NEMP2: variants seen among roughly 807,000 people sequenced by gnomAD.
NEMP2 encodes UPF0571 transmembrane protein.
Under a neutral mutation model 54.2 loss-of-function variants are expected in NEMP2, and 53 were observed. The observed-to-expected ratio is 0.98, with a 90% confidence interval of 0.78 to 1.23. The LOEUF is 1.23. Among genes scored for constraint, NEMP2 ranks in the 50% most tolerant of loss-of-function variants. The pLI, the probability that NEMP2 is intolerant of heterozygous loss-of-function variation, is 0.00. For synonymous variants in NEMP2, 197 were observed against 190.3 expected, an observed-to-expected ratio of 1.04 and a Z score of -0.29; for missense variants, 455 against 511.3, an observed-to-expected ratio of 0.89 and a Z score of 1.06.
the NEMP2 span, chr2:190,497,830 G>A: frequency 7.7e-7 from 1 of 1,292,310 alleles, no homozygotes. This position sits in a 1 kb window ranked among gnomAD's most constrained non-coding sequence, Gnocchi z 5.2. Context: ...AAAGTCTGGT[G>A]GGGGAAATAG....
intron 5 of NEMP2, among the ~76,000 whole-genome samples, chr2:190,516,695 A>C (rs1246185060): frequency 6.6e-6 from 1 of 152,214 alleles, no homozygotes; most frequent in Non-Finnish European, 1.5e-5. Context: ...ATAAAGAGTA[A>C]ATTTATCTTA....
the NEMP2 span, among the ~76,000 whole-genome samples, chr2:190,475,617 G>A: frequency 3.3e-5 from 5 of 152,226 alleles, no homozygotes; most frequent in South Asian, 2.1e-4. Flanking sequence ...AATCAATATC[G>A]TGAAAATGGC....
the NEMP2 span, among the ~76,000 whole-genome samples, chr2:190,433,075 C>A: frequency 6.6e-6 from 1 of 152,040 alleles, no homozygotes; most frequent in Non-Finnish European, 1.5e-5. The surrounding 1 kb of genome is among the most constrained non-coding windows in gnomAD (Gnocchi z 4.5). Context: ...CTATTATGTG[C>A]CCTTTAATCT....
At chr2:190,456,046 T>A in the NEMP2 span, among the ~76,000 whole-genome samples, 3 of 142,840 alleles carry the variant, frequency 2.1e-5, no homozygotes, top group Admixed American at 2.3e-4. This position sits in a 1 kb window ranked among gnomAD's most constrained non-coding sequence, Gnocchi z 5.4. Context: ...GTTCAAGCAG[T>A]TCTCCTGTGT....
the NEMP2 span, among the ~76,000 whole-genome samples, chr2:190,599,554 CA>C: frequency 6.6e-6 from 1 of 152,080 alleles, no homozygotes; most frequent in Non-Finnish European, 1.5e-5. Flanking sequence ...TTAATATTGC[CA>C]ATGCATTTAA....
At chr2:190,460,085 T>TGGA in the NEMP2 span, among the ~76,000 whole-genome samples, 1 of 152,188 alleles carries the variant, frequency 6.6e-6, no homozygotes, top group Non-Finnish European at 1.5e-5. Context: ...GCTCTTACTC[T>TGGA]TCTGGTGAGA....
rs1233141905 is a variant in NEMP2 at position 190,504,621 on chromosome 2, T to G, written c.*4568A>C. The G allele has an allele frequency of 1.3e-5, 2 of 152,212 alleles. No individual in the cohort carries two copies. The highest frequency in any genetic ancestry group is 6.5e-5 in the Admixed American group (1 of 15,276). The allele number at this position is 152,212 out of a possible 1,614,324, so 9.4% of individuals were successfully genotyped here. ...GGTTATAAGTTTCATAATTTTCATTTTTCTTTTTCTTCTTAAAGGTGTCAA... is the reference window on the plus strand; with the variant it reads ...GGTTATAAGTTTCATAATTTTCATTGTTCTTTTTCTTCTTAAAGGTGTCAA... On this transcript the variant is annotated 3_prime_UTR_variant, in exon 9 of 9. Coordinates refer to ENST00000409150, the MANE Select transcript of NEMP2 (RefSeq NM_001142645.2). This position sits in a 1 kb window ranked among gnomAD's most constrained non-coding sequence, Gnocchi z 5.6.
the NEMP2 span, among the ~76,000 whole-genome samples, chr2:190,584,301 T>G: frequency 1.3e-5 from 2 of 152,174 alleles, no homozygotes; most frequent in South Asian, 4.2e-4. This position sits in a 1 kb window ranked among gnomAD's most constrained non-coding sequence, Gnocchi z 4.2. Context: ...AGACCAAAAA[T>G]TTTCTTTGAA....
chr2:190,644,437 A>G, the NEMP2 span, among the ~76,000 whole-genome samples: 4 of 152,374 alleles, frequency 2.6e-5, no homozygotes, highest in African/African-American at 9.6e-5. The surrounding 1 kb of genome is among the most constrained non-coding windows in gnomAD (Gnocchi z 4.4). Context: ...AAGGTGTGTC[A>G]TATATACTGA....
chr2:190,444,941 C>T, the NEMP2 span: 1 of 681,012 alleles, frequency 1.5e-6, no homozygotes, highest in Non-Finnish European at 1.8e-6. Flanking sequence ...GGTAAATTAA[C>T]TGTAGCATAC....
chr2:190,552,944 C>G, the NEMP2 span, among the ~76,000 whole-genome samples: 1 of 151,260 alleles, frequency 6.6e-6, no homozygotes, highest in Non-Finnish European at 1.5e-5. Context: ...TGTCCTAGAA[C>G]CAGTTAAAAA....
At chr2:190,481,660 A>G in the NEMP2 span, among the ~76,000 whole-genome samples, 1 of 152,232 alleles carries the variant, frequency 6.6e-6, no homozygotes, top group Non-Finnish European at 1.5e-5. Flanking sequence ...CATATTTTCA[A>G]AGCCTAGCAG....
chr2:190,606,789 C>T, the NEMP2 span, among the ~76,000 whole-genome samples: 10 of 152,144 alleles, frequency 6.6e-5, no homozygotes, highest in Admixed American at 6.6e-4. Context: ...ATAATAATAG[C>T]TCAATTAATT....
At chr2:190,532,454 C>T (rs1574320416) in intron 1 of NEMP2, among the ~76,000 whole-genome samples, 2 of 152,168 alleles carry the variant, frequency 1.3e-5, no homozygotes, top group Admixed American at 6.5e-5. Context: ...AGGGCCTGAA[C>T]TTCATCTCAG....
chr2:190,550,170 A>G, the NEMP2 span, among the ~76,000 whole-genome samples: 1 of 152,198 alleles, frequency 6.6e-6, no homozygotes, highest in East Asian at 1.9e-4. This position sits in a 1 kb window ranked among gnomAD's most constrained non-coding sequence, Gnocchi z 4.7. Context: ...ACAAAATACT[A>G]TAAACTGGAT....
the NEMP2 span, among the ~76,000 whole-genome samples, chr2:190,427,797 T>G: frequency 6.6e-6 from 1 of 152,000 alleles, no homozygotes; most frequent in Non-Finnish European, 1.5e-5. Flanking sequence ...AATGGCACAA[T>G]CTTGGCTCAC....
chr2:190,644,300 T>G, the NEMP2 span, among the ~76,000 whole-genome samples: 2 of 152,268 alleles, frequency 1.3e-5, no homozygotes, highest in African/African-American at 4.8e-5. This position sits in a 1 kb window ranked among gnomAD's most constrained non-coding sequence, Gnocchi z 4.4. Context: ...TGTGGTTTAC[T>G]GCTATTTAAT....
At chr2:190,517,695 A>G in intron 4 of NEMP2, 82 bp from the exon 5 acceptor site, 1 of 961,760 alleles carries the variant, frequency 1.0e-6, no homozygotes, top group Non-Finnish European at 1.6e-6. Flanking sequence ...TGGCAACATC[A>G]GTCATAAATA....
At chr2:190,487,481 A>G in the NEMP2 span, among the ~76,000 whole-genome samples, 2 of 152,238 alleles carry the variant, frequency 1.3e-5, no homozygotes, top group Non-Finnish European at 2.9e-5. This position sits in a 1 kb window ranked among gnomAD's most constrained non-coding sequence, Gnocchi z 5.5. Context: ...GGAAAAGTAG[A>G]AATAATCTTA....
Sources: allele counts gnomAD v4.1 joint callset (sites outside exome capture counted in the v4.1 genomes callset), GRCh38; gene constraint gnomAD v4.1.1; non-coding constraint Gnocchi (gnomAD v3.1); transcripts MANE v1.5; gene names NCBI Gene and HGNC (gene_info 2026-07-23, HGNC 2026-07-21).